The following USP42 variants were observed in gnomAD, a reference collection of about 807,000 sequenced individuals.
USP42 encodes ubiquitin specific peptidase 42, also known as ubiquitin carboxyl-terminal hydrolase 42.
Under a neutral mutation model 113.0 loss-of-function variants are expected in USP42, and 23 were observed. The observed-to-expected ratio is 0.20, with a 90% CI of 0.15 to 0.29. The LOEUF is 0.29. Among genes scored for constraint, USP42 ranks in the 10% least tolerant of loss-of-function variants. USP42 has a pLI of 1.00. For missense variants in USP42, 2,174 were observed against 1,779.8 expected, an observed-to-expected ratio of 1.22 and a Z score of -3.99; for synonymous variants, 933 against 699.0, an observed-to-expected ratio of 1.33 and a Z score of -5.28.
At chr7:6,131,473 C>CA (rs540815130) in intron 3 of USP42, among the ~76,000 whole-genome samples, 5 of 151,374 alleles carry the variant, frequency 3.3e-5, no homozygotes, top group South Asian at 4.2e-4. Context: ...GATGCTGTCT[C>CA]AAAAAAAACA....
chr7:6,103,516 CAAA>C (rs200050634), upstream of USP42, among the ~76,000 whole-genome samples: 2 of 135,870 alleles, frequency 1.5e-5, no homozygotes, highest in Admixed American at 7.3e-5. Context: ...AACTCCGTCT[CAAA>C]AAAAAAAAAG....
Position 6,154,688 on chromosome 7 carries a change from G to A in USP42, c.3134G>A (p.Gly1045Asp), listed in dbSNP as rs532425553. Residue 1045 changes from glycine to aspartate, a missense_variant, in exon 15 of 18, where the codon GGC becomes GAC. Physicochemically the swap from Gly to Asp is moderately conservative, Grantham distance 94. Coordinates refer to ENST00000306177, the MANE Select transcript of USP42 (RefSeq NM_032172.3). ...HHYTEGERGW[G>D]REKFYPDRPR... ...TACACCGAGGGCGAGCGTGGCTGGG[G>A]CCGGGAGAAGTTCTACCCCGACAGG... The A allele has an allele frequency of 5.0e-6, 8 of 1,603,964 alleles. No homozygotes were observed. The highest frequency in any genetic ancestry group is 4.0e-5 in the African/African-American group (3 of 74,872).
chr7:6,143,048 G>A (rs2128507353), intron 8 of USP42, 34 bp downstream of exon 8: 1 of 1,610,116 alleles, frequency 6.2e-7, no homozygotes, highest in East Asian at 2.2e-5. Context: ...CTTGATGCCG[G>A]CTTCTCCAGT....
At chr7:6,148,059 C>T (rs1452221587) in intron 12 of USP42, among the ~76,000 whole-genome samples, 167 bp downstream of exon 12, 4 of 152,302 alleles carry the variant, frequency 2.6e-5, no homozygotes, top group Middle Eastern at 3.4e-3. Context: ...AGAAAACGGC[C>T]GAGCGCAGTG....
chr7:6,105,587 C>A (rs76647311), intron 1 of USP42, among the ~76,000 whole-genome samples: 1 of 152,212 alleles, frequency 6.6e-6, no homozygotes, highest in East Asian at 1.9e-4. Flanking sequence ...CTTGGGCGCC[C>A]CCTCCCCAGG....
In USP42 at chr7:6,159,651, C is replaced by G. The variant is rs145418957; in HGVS notation, c.*36+158C>G. Among the ~76,000 whole-genome samples the G allele has an allele frequency of 1.5e-3, 227 of 152,308 alleles. 1 individual carries two copies. Among genetic ancestry groups the G allele is most frequent in the African/African-American group, 5.0e-3 (207 of 41,572 alleles). The stretch of plus-strand genomic sequence containing the variant: ...GGCAGGTTCCCAGCCAGCCCAGACC[C>G]AGGCCACGCGCTTGGGGACAGACCT... On this transcript the variant is annotated intron_variant, in intron 17 of 17. Coordinates refer to ENST00000306177, the MANE Select transcript of USP42 (RefSeq NM_032172.3). The surrounding 1 kb of genome is among the most constrained non-coding windows in gnomAD (Gnocchi z 4.1).
the USP42 span, among the ~76,000 whole-genome samples, chr7:6,098,902 G>A: frequency 1.3e-5 from 2 of 149,972 alleles, no homozygotes; most frequent in South Asian, 2.1e-4. Flanking sequence ...CATAGTCTTC[G>A]GGTTGGTGGT....
At chr7:6,142,058 A>G (rs889415847) in intron 7 of USP42, among the ~76,000 whole-genome samples, 4 of 151,944 alleles carry the variant, frequency 2.6e-5, no homozygotes, top group African/African-American at 9.7e-5. Flanking sequence ...TTGCTGGTGG[A>G]TATTTGGTTT....
chr7:6,093,970 ACCTCCAC>A, the USP42 span, among the ~76,000 whole-genome samples: 19 of 150,034 alleles, frequency 1.3e-4, 1 homozygote, highest in Non-Finnish European at 1.9e-4. Context: ...GCTCACTGCA[ACCTCCAC>A]CTCCCGGGTT....
rs1417440615 is a variant in USP42, at chr7:6,160,954, C to T, written c.*436C>T. 2 of 152,592 alleles carry T rather than the reference C, an allele frequency of 1.3e-5. No individual in the cohort carries two copies. The highest frequency in any genetic ancestry group is 2.9e-5 in the Non-Finnish European group (2 of 68,040). 9.5% of individuals were successfully genotyped at this position (152,592 alleles called of 1,614,324 possible). A position where few individuals can be genotyped will look rare whatever the true frequency, so the allele number is the denominator to read the frequency against. On this transcript the variant is annotated 3_prime_UTR_variant, in exon 18 of 18. Transcript: ENST00000306177. Reference sequence around the variant, plus strand: ...ACAGTGTGTATATTTAATTTAAAGACTTATTTAAAAACTCACAAGCTCTCA... The same window carrying T: ...ACAGTGTGTATATTTAATTTAAAGATTTATTTAAAAACTCACAAGCTCTCA...
At chr7:6,084,181 C>T in the USP42 span, among the ~76,000 whole-genome samples, 3 of 150,998 alleles carry the variant, frequency 2.0e-5, no homozygotes, top group Non-Finnish European at 4.4e-5. Context: ...CATGAGCCAC[C>T]ACGCCCAGCT....
At chr7:6,146,787 C>T (rs1351712927) in intron 11 of USP42, among the ~76,000 whole-genome samples, 5 of 152,182 alleles carry the variant, frequency 3.3e-5, no homozygotes, top group Admixed American at 3.3e-4. Flanking sequence ...GGTGCAGCTG[C>T]AGGGAGAGGT....
intron 1 of USP42, among the ~76,000 whole-genome samples, chr7:6,109,421 G>C (rs1312026378): frequency 6.6e-6 from 1 of 152,110 alleles, no homozygotes; most frequent in Non-Finnish European, 1.5e-5. Flanking sequence ...TCTTGAGGCA[G>C]AGTCTCTCTA....
At chr7:6,136,723 C>G (rs937194440) in intron 4 of USP42, among the ~76,000 whole-genome samples, 1 of 152,108 alleles carries the variant, frequency 6.6e-6, no homozygotes. Flanking sequence ...TCTGGACACA[C>G]TGCCTGTGGA....
rs1043508005 is a variant in USP42 at position 6,159,353 on chromosome 7, T to C, written c.3944-97T>C. On this transcript the variant is annotated intron_variant, in intron 16 of 17. Coordinates refer to ENST00000306177, the MANE Select transcript of USP42 (RefSeq NM_032172.3). This position sits in a 1 kb window ranked among gnomAD's most constrained non-coding sequence, Gnocchi z 4.1. ...CTCAGGCGCTCACAGGGAACCGCAG[T>C]GACTCTGACCATAGCCACTTAACGC... is the stretch of plus-strand genomic sequence containing the variant. The C allele has an allele frequency of 7.7e-6, 12 of 1,551,830 alleles. No individual in the cohort carries two copies. Among genetic ancestry groups the C allele is most frequent in the African/African-American group, 1.4e-5 (1 of 73,154 alleles).
In USP42 at chr7:6,149,635, C is replaced by G; in HGVS notation, c.1439C>G (p.Ser480Cys). The G allele has an allele frequency of 6.2e-7, 1 of 1,613,928 alleles. No homozygotes were observed. The highest frequency in any genetic ancestry group is 1.1e-5 in the South Asian group (1 of 91,078). Residue 480 changes from serine to cysteine, a missense_variant, in exon 13 of 18, where the codon TCC becomes TGC. Physicochemically the swap from Ser to Cys is moderately radical, Grantham distance 112. Coordinates refer to ENST00000306177, the MANE Select transcript of USP42 (RefSeq NM_032172.3). ...CCATTGAAAGACACGCCAAGCAGTT[C>G]CATGTCGAGTCCTAACGGGAATTCC... ...TGPLKDTPSS[S>C]MSSPNGNSSV...
At position 6,159,018 on chromosome 7, in the gene USP42, G is replaced by A. The variant is rs1022195067; in HGVS notation, c.3944-432G>A. Among the ~76,000 whole-genome samples the A allele has an allele frequency of 5.3e-5, 8 of 152,192 alleles. No homozygotes were observed. Among genetic ancestry groups the A allele is most frequent in the Middle Eastern group, 3.2e-3 (1 of 316 alleles). On this transcript the variant is annotated intron_variant, in intron 16 of 17. Transcript: ENST00000306177. This position sits in a 1 kb window ranked among gnomAD's most constrained non-coding sequence, Gnocchi z 4.1. ...AGGGTTTGCAGCTGGCGCTTCTGCT[G>A]CGAGCAGACTGAGGAGCCTTTCTTG...
At chr7:6,144,611 C>CATT (rs1356331081) in intron 9 of USP42, among the ~76,000 whole-genome samples, 3 of 152,096 alleles carry the variant, frequency 2.0e-5, no homozygotes, top group Non-Finnish European at 4.4e-5. Flanking sequence ...GGCTCACGCC[C>CATT]GTAATCCCAG....
chr7:6,109,001 C>G (rs914769963), intron 1 of USP42, among the ~76,000 whole-genome samples: 4 of 152,168 alleles, frequency 2.6e-5, no homozygotes, highest in African/African-American at 9.7e-5. Flanking sequence ...TAGAGAACAG[C>G]AAGTAAAACA....
Sources: gnomAD v4.1 joint callset for allele counts (sites outside exome capture counted in the v4.1 genomes callset) on GRCh38, gnomAD v4.1.1 for gene constraint, Gnocchi (gnomAD v3.1) non-coding constraint, MANE v1.5 for transcripts, NCBI Gene and HGNC (gene_info 2026-07-23, HGNC 2026-07-21) for gene names.